SMG1: variants seen among roughly 807,000 people sequenced by gnomAD.
SMG1 encodes the protein serine/threonine-protein kinase SMG1.
In SMG1, 22 loss-of-function variants were observed where a neutral mutation model predicts 419.9. That is an observed-to-expected ratio of 0.05 (90% CI 0.04 to 0.07). The LOEUF is 0.07. Among genes scored for constraint, SMG1 ranks in the 10% least tolerant of loss-of-function variants. The probability of loss-of-function intolerance (pLI) is 1.00; values close to 1 mark genes in which losing one functional copy is unlikely to be tolerated. For synonymous variants in SMG1, 1,538 were observed against 1,553.5 expected, an observed-to-expected ratio of 0.99 and a Z score of 0.23; for missense variants, 3,185 against 4,342.0, an observed-to-expected ratio of 0.73 and a Z score of 7.49.
At chr16:18,890,219 T>C (rs2036816170) in intron 5 of SMG1, among the ~76,000 whole-genome samples, 2 of 152,202 alleles carry the variant, frequency 1.3e-5, no homozygotes. Flanking sequence ...ACCTCTATTC[T>C]CCAAGCAGTT....
intron 1 of SMG1, among the ~76,000 whole-genome samples, chr16:18,907,243 A>G (rs1385844796): frequency 6.6e-6 from 1 of 151,504 alleles, no homozygotes. Flanking sequence ...GACTGCGCCA[A>G]TGCACTCCAG....
chr16:18,807,071 T>A lies in SMG1; in HGVS notation c.*2498A>T, dbSNP rs1168162820. On this transcript the variant is annotated 3_prime_UTR_variant, in exon 63 of 63. Coordinates refer to ENST00000446231, the MANE Select transcript of SMG1 (RefSeq NM_015092.5). Reference sequence around the variant, plus strand: ...AGGGACCACTTTAAAACAAAAGTGATGGATAATTTACCAGAGGCACATGCT... The same window carrying A: ...AGGGACCACTTTAAAACAAAAGTGAAGGATAATTTACCAGAGGCACATGCT... 1 of 152,230 alleles carries A rather than the reference T, an allele frequency of 6.6e-6. No individual in the cohort carries two copies. The highest frequency in any genetic ancestry group is 1.5e-5 in the Non-Finnish European group (1 of 68,032). 9.4% of individuals were successfully genotyped at this position (152,230 alleles called of 1,614,324 possible). A position where few individuals can be genotyped will look rare whatever the true frequency, so the allele number is the denominator to read the frequency against.
intron 48 of SMG1, among the ~76,000 whole-genome samples, chr16:18,835,662 T>C (rs935696382): frequency 8.6e-5 from 13 of 151,684 alleles, no homozygotes; most frequent in South Asian, 8.4e-4. Flanking sequence ...TCCCAGAAAT[T>C]TGGGAGGCCC....
Position 18,837,850 on chromosome 16 carries a change from T to C in SMG1, c.7413+164A>G, listed in dbSNP as rs556649011. Among the ~76,000 whole-genome samples, 25 of 152,340 alleles carry C rather than the reference T, an allele frequency of 1.6e-4. No individual in the cohort carries two copies. In the East Asian group the frequency reaches 4.6e-3, roughly 28 times the overall value. On this transcript the variant is annotated intron_variant, in intron 45 of 62. Coordinates refer to ENST00000446231, the MANE Select transcript of SMG1 (RefSeq NM_015092.5). ...TGCATGTTTGTGTGGAAGAATTACCTAATAAAAAGTTAACATCAAACTGCC... is the reference window on the plus strand; with the variant it reads ...TGCATGTTTGTGTGGAAGAATTACCCAATAAAAAGTTAACATCAAACTGCC...
chr16:18,906,638 C>CCCATTTAAA lies in SMG1; in HGVS notation c.93-9691_93-9683dup, dbSNP rs778104718. Among the ~76,000 whole-genome samples the CCCATTTAAA allele has an allele frequency of 6.8e-4, 103 of 152,282 alleles. 1 individual carries two copies. The highest frequency in any genetic ancestry group is 1.2e-3 in the Non-Finnish European group (85 of 68,020). On this transcript the variant is annotated intron_variant, in intron 1 of 62. Transcript: ENST00000446231. ...TAAACATGCAACACTTTCAATGTAT[C>CCCATTTAAA]CCATTTAAAAATACAAAAACATATA...
At position 18,926,124 on chromosome 16, in the gene SMG1, C is replaced by A. The variant is rs1368726432; in HGVS notation, c.-83G>T. The A allele has an allele frequency of 2.4e-5, 31 of 1,266,370 alleles. No homozygotes were observed. The East Asian group carries it at 9.1e-4, about 37-fold the overall frequency. The allele number at this position is 1,266,370 out of a possible 1,614,324, so 78.4% of individuals were successfully genotyped here. ...CCCGAACCGGCCGCCGCCGACACCC[C>A]GCTCCGGCCCGGGGCTGAGGAGGAA... On this transcript the variant is annotated 5_prime_UTR_variant, in exon 1 of 63. Transcript: ENST00000446231.
chr16:18,920,512 A>AG (rs2142022883), intron 1 of SMG1, among the ~76,000 whole-genome samples: 1 of 151,816 alleles, frequency 6.6e-6, no homozygotes, highest in Non-Finnish European at 1.5e-5. Context: ...CAACATGGGG[A>AG]GGCCCCATCT....
At position 18,847,877 on chromosome 16, in the gene SMG1, T is replaced by C. The variant is rs767261367; in HGVS notation, c.5780A>G (p.Gln1927Arg). Residue 1927 changes from glutamine (Q) to arginine (R), a missense_variant, in exon 37 of 63, where the codon CAG becomes CGG. This residue lies in a region of SMG1 where 130 missense variants were observed against 162.0 expected (regional missense o/e 0.80). Transcript: ENST00000446231. ...ATCTACAATTTTGCTGTAACAATCC[T>C]GCATCATGGCTTGGTCTTCATTTAA... ...SGLNEDQAMM[Q>R]DCYSKIVDKL... The C allele has an allele frequency of 1.2e-6, 2 of 1,614,074 alleles. No individual in the cohort carries two copies. The highest frequency in any genetic ancestry group is 2.2e-5 in the South Asian group (2 of 91,090).
At position 18,815,277 on chromosome 16, in the gene SMG1, A is replaced by G. The variant is rs1244604178; in HGVS notation, c.10519T>C (p.Tyr3507His). The G allele has an allele frequency of 1.3e-6, 2 of 1,570,524 alleles. No homozygotes were observed. The highest frequency in any genetic ancestry group is 1.7e-6 in the Non-Finnish European group (2 of 1,155,616). The change falls in exon 60 of 63, where the codon TAT becomes CAT. Residue 3507 changes from tyrosine to histidine, a missense_variant. By Grantham distance (83) the Tyr-to-His change is moderately conservative. Transcript: ENST00000446231. ...GATGCAAAACTCACTAAATTATTAT[A>G]GATACTGAAATACAAAATAAAATGG... The part of the protein sequence containing the change: ...KELKTQSQSI[Y>H]NNLVSFASPL...
intron 39 of SMG1, among the ~76,000 whole-genome samples, chr16:18,842,750 A>G (rs912081876): frequency 6.6e-6 from 1 of 152,156 alleles, no homozygotes. Context: ...GGATCACCTG[A>G]GCCCAGGGGG....
intron 1 of SMG1, among the ~76,000 whole-genome samples, chr16:18,918,445 T>G (rs1356852104): frequency 6.6e-6 from 1 of 152,196 alleles, no homozygotes; most frequent in Non-Finnish European, 1.5e-5. Context: ...TCTTCTATTT[T>G]GGGGGGGATT....
chr16:18,900,471 G>GT (rs2037303562), intron 1 of SMG1, among the ~76,000 whole-genome samples: 3 of 152,086 alleles, frequency 2.0e-5, no homozygotes, highest in African/African-American at 4.8e-5. Flanking sequence ...GTCCATTCTT[G>GT]TAAGTATTAG....
At chr16:18,862,149 G>T (rs62046317) in intron 25 of SMG1, among the ~76,000 whole-genome samples, 27,581 of 151,524 alleles carry the variant, frequency 0.18, 2,599 homozygotes, top group Middle Eastern at 0.25. Flanking sequence ...CAATCTAGCT[G>T]CTTCTGTCTC....
rs1223745428 is a variant in SMG1, at chr16:18,805,367, T to C, written c.*4202A>G. 1 of 152,238 alleles carries C rather than the reference T, an allele frequency of 6.6e-6. No homozygotes were observed. The highest frequency in any genetic ancestry group is 1.5e-5 in the Non-Finnish European group (1 of 68,028). 9.4% of individuals were successfully genotyped at this position (152,238 alleles called of 1,614,324 possible). The stretch of plus-strand genomic sequence containing the variant: ...TCTAAGTTTACCATCTTCAAAAATC[T>C]TCTAAATTGTATGACACTTTTACAT... On this transcript the variant is annotated 3_prime_UTR_variant, in exon 63 of 63. Transcript: ENST00000446231.
In SMG1 at chr16:18,875,940, A is replaced by G. The variant is rs191223106; in HGVS notation, c.1890+184T>C. On this transcript the variant is annotated intron_variant, in intron 13 of 62. Transcript: ENST00000446231. ...TTTGTCAAGGAAAAAGAAGAAGAAA[A>G]GTTAAATATAATGCCAAGAAAACAT... 1,576 of 614,404 alleles carry G rather than the reference A, an allele frequency of 2.6e-3. 5 individuals are homozygous for G. Among genetic ancestry groups the G allele is most frequent in the Non-Finnish European group, 3.7e-3 (1,333 of 356,992 alleles). The allele number at this position is 614,404 out of a possible 1,614,324, so 38.1% of individuals were successfully genotyped here.
In SMG1 at chr16:18,926,079, C is replaced by T. The variant is rs968117956; in HGVS notation, c.-38G>A. On this transcript the variant is annotated 5_prime_UTR_variant, in exon 1 of 63. Coordinates refer to ENST00000446231, the MANE Select transcript of SMG1 (RefSeq NM_015092.5). ...CACGACATGGCCAAGCGCCGCCGCC[C>T]AAAGAAGCGCGAGTCGCCGCCCGAA... The T allele has an allele frequency of 1.3e-6, 2 of 1,524,670 alleles. No homozygotes were observed. Among genetic ancestry groups the T allele is most frequent in the East Asian group, 2.6e-5 (1 of 37,952 alleles). The allele number at this position is 1,524,670 out of a possible 1,614,324, so 94.4% of individuals were successfully genotyped here.
At chr16:18,840,836 C>T (rs990024424) in intron 41 of SMG1, among the ~76,000 whole-genome samples, 5 of 152,168 alleles carry the variant, frequency 3.3e-5, no homozygotes, top group African/African-American at 1.2e-4. Flanking sequence ...AACAACCACA[C>T]ATTCCCCCTC....
At chr16:18,914,029 G>A (rs1397570194) in intron 1 of SMG1, among the ~76,000 whole-genome samples, 2 of 151,820 alleles carry the variant, frequency 1.3e-5, no homozygotes, top group South Asian at 2.1e-4. Flanking sequence ...TTAGCCAGGC[G>A]AGTGGCACAT....
At chr16:18,908,740 C>T (rs527930858) in intron 1 of SMG1, among the ~76,000 whole-genome samples, 42 of 151,898 alleles carry the variant, frequency 2.8e-4, no homozygotes, top group Non-Finnish European at 5.0e-4. Flanking sequence ...ATTAGCCAGG[C>T]GTGGTGGCAG....
Sources: gnomAD v4.1 joint callset for allele counts (sites outside exome capture counted in the v4.1 genomes callset) on GRCh38, gnomAD v4.1.1 for gene constraint, gnomAD v4.1.1 regional missense constraint, MANE v1.5 for transcripts, NCBI Gene and HGNC (gene_info 2026-07-23, HGNC 2026-07-21) for gene names.